MYO16: variants seen among roughly 807,000 people sequenced by gnomAD.
The protein encoded by MYO16 is unconventional myosin-XVI.
Under a neutral mutation model 205.3 loss-of-function variants are expected in MYO16, and 94 were observed. The observed-to-expected ratio is 0.46, with a 90% CI of 0.39 to 0.54. MYO16 has a LOEUF of 0.54. MYO16 is among the 20% of genes least tolerant of loss of function. The pLI, the probability that MYO16 is intolerant of heterozygous loss-of-function variation, is 0.00. For synonymous variants in MYO16, 988 were observed against 954.0 expected (o/e 1.04, Z -0.66); for missense variants, 2,315 against 2,387.5 (o/e 0.97, Z 0.63).
intron 20 of MYO16, among the ~76,000 whole-genome samples, chr13:108,978,781 C>T (rs993168866): frequency 4.6e-5 from 7 of 152,046 alleles, no homozygotes; most frequent in South Asian, 2.1e-4. Context: ...AGATCATATA[C>T]TCCTTTAATG....
At chr13:109,069,878 C>A (rs559121164) in intron 27 of MYO16, among the ~76,000 whole-genome samples, 69 of 152,216 alleles carry the variant, frequency 4.5e-4, no homozygotes, top group African/African-American at 1.6e-3. Flanking sequence ...ATAGATGTGG[C>A]TAATCCAGGG....
At chr13:109,136,850 G>A (rs1388596230) in intron 31 of MYO16, among the ~76,000 whole-genome samples, 1 of 149,084 alleles carries the variant, frequency 6.7e-6, no homozygotes, top group East Asian at 1.9e-4. Context: ...TGTTTGTACA[G>A]CAGCAGTCCA....
intron 21 of MYO16, among the ~76,000 whole-genome samples, chr13:108,997,690 T>A (rs1885078064): frequency 6.6e-6 from 1 of 151,844 alleles, no homozygotes; most frequent in Non-Finnish European, 1.5e-5. Flanking sequence ...AATACAAAAA[T>A]TAGCCAGCGT....
At chr13:109,046,544 A>G (rs752249280) in intron 23 of MYO16, among the ~76,000 whole-genome samples, 1 of 152,206 alleles carries the variant, frequency 6.6e-6, no homozygotes, top group Admixed American at 6.5e-5. Flanking sequence ...AAATTTCTCA[A>G]ACTGAAATCA....
At position 109,150,046 on chromosome 13, in the gene MYO16, C is replaced by T. The variant is rs1877567183; in HGVS notation, c.5164+8670C>T. ...ATAAGTGGGGTGTCAGATGCCTGCC[C>T]CAGACCCACCAGAAATTAAATGGGT... On this transcript the variant is annotated intron_variant, in intron 32 of 34. Coordinates refer to ENST00000457511, the MANE Select transcript of MYO16 (RefSeq NM_001198950.3). 2.6e-5 allele frequency among the ~76,000 whole-genome samples: 4 copies of T among 152,242 alleles called. 1 individual carries two copies. In the South Asian group the frequency reaches 8.3e-4, roughly 32 times the overall value.
chr13:108,884,479 C>T (rs56317277), intron 13 of MYO16, among the ~76,000 whole-genome samples: 16,617 of 152,094 alleles, frequency 0.11, 1,077 homozygotes, highest in South Asian at 0.26. Context: ...ATGAGAAAGG[C>T]GCTGAGGCAG....
intron 34 of MYO16, among the ~76,000 whole-genome samples, chr13:109,184,461 A>G (rs899840772): frequency 2.6e-5 from 4 of 152,246 alleles, no homozygotes; most frequent in African/African-American, 9.6e-5. Flanking sequence ...ATAAAATTGC[A>G]CTGTATTTAT....
chr13:108,700,215 C>G (rs537954051), intron 2 of MYO16, among the ~76,000 whole-genome samples: 1 of 151,890 alleles, frequency 6.6e-6, no homozygotes, highest in South Asian at 2.1e-4. Flanking sequence ...CTCCTGTAAT[C>G]CCAGCTACTC....
intron 16 of MYO16, among the ~76,000 whole-genome samples, chr13:108,954,266 C>A (rs1566430200): frequency 6.6e-6 from 1 of 151,820 alleles, no homozygotes; most frequent in African/African-American, 2.4e-5. Context: ...TTTTTTGCCC[C>A]TTTGACTCTA....
chr13:109,141,298 G>A lies in MYO16; in HGVS notation c.5086G>A (p.Glu1696Lys). The A allele has an allele frequency of 1.9e-6, 3 of 1,596,072 alleles. No homozygotes were observed. The highest frequency in any genetic ancestry group is 2.6e-6 in the Non-Finnish European group (3 of 1,171,994). The part of the protein sequence containing the change: ...SSRPLSSPLD[E>K]LASLFNSGRS... ...CAGGCCTCTCAGCAGCCCCCTGGAC[G>A]AGCTCGCCAGCCTCTTCAACTCGGG... is the stretch of plus-strand genomic sequence containing the variant. Residue 1696 changes from glutamate to lysine, a missense_variant, in exon 32 of 35, where the codon GAG (glutamate) becomes AAG (lysine). By Grantham distance (56) the Glu-to-Lys change is moderately conservative (BLOSUM62 1). Transcript: ENST00000457511. The surrounding 1 kb of genome is among the most constrained non-coding windows in gnomAD (Gnocchi z 4.1).
At chr13:108,590,807 G>C in the MYO16 span, among the ~76,000 whole-genome samples, 1 of 152,114 alleles carries the variant, frequency 6.6e-6, no homozygotes, top group Non-Finnish European at 1.5e-5. Context: ...ACTGGAAGAG[G>C]AGAGGAAGAA....
At chr13:109,020,316 A>C (rs573020756) in intron 23 of MYO16, among the ~76,000 whole-genome samples, 3 of 152,314 alleles carry the variant, frequency 2.0e-5, no homozygotes, top group South Asian at 2.1e-4. Context: ...AGGAAGAAAG[A>C]AAGCCACTCT....
the MYO16 span, among the ~76,000 whole-genome samples, chr13:108,554,944 T>A: frequency 6.6e-6 from 1 of 151,236 alleles, no homozygotes; most frequent in African/African-American, 2.4e-5. Context: ...GATCTGGATA[T>A]AATCTAACCA....
intron 31 of MYO16, among the ~76,000 whole-genome samples, chr13:109,137,003 G>T (rs542505142): frequency 1.8e-4 from 27 of 152,182 alleles, no homozygotes; most frequent in Non-Finnish European, 3.1e-4. Context: ...CAGTTCTCAA[G>T]GAGCCTCTCT....
chr13:109,201,257 G>T (rs769412192), intron 34 of MYO16, among the ~76,000 whole-genome samples: 4 of 152,048 alleles, frequency 2.6e-5, no homozygotes, highest in African/African-American at 9.7e-5. Context: ...TAACAGATTT[G>T]ATCACTTTGA....
chr13:108,906,798 A>G (rs1204020009), intron 15 of MYO16, among the ~76,000 whole-genome samples: 1 of 152,114 alleles, frequency 6.6e-6, no homozygotes, highest in Non-Finnish European at 1.5e-5. Flanking sequence ...TTTCTTCTTC[A>G]TGTTACTGAT....
At chr13:108,854,346 C>G (rs1010982868) in intron 10 of MYO16, among the ~76,000 whole-genome samples, 2 of 151,994 alleles carry the variant, frequency 1.3e-5, no homozygotes, top group African/African-American at 2.4e-5. Flanking sequence ...AGAAAATAAG[C>G]CCACTTTATG....
chr13:108,651,156 G>A (rs1175768111), intron 1 of MYO16, among the ~76,000 whole-genome samples: 3 of 152,186 alleles, frequency 2.0e-5, no homozygotes, highest in African/African-American at 7.2e-5. Flanking sequence ...TAGCTGGCTG[G>A]TCTCTGCAGG....
chr13:109,081,840 C>T (rs1888289015), intron 27 of MYO16, among the ~76,000 whole-genome samples: 2 of 152,176 alleles, frequency 1.3e-5, no homozygotes, highest in African/African-American at 2.4e-5. Context: ...AGGCATTGAA[C>T]ATTTCCTGCA....
Sources: gnomAD v4.1 joint callset for allele counts (sites outside exome capture counted in the v4.1 genomes callset) on GRCh38, gnomAD v4.1.1 for gene constraint, Gnocchi (gnomAD v3.1) non-coding constraint, MANE v1.5 for transcripts, NCBI Gene and HGNC (gene_info 2026-07-23, HGNC 2026-07-21) for gene names.